The following SERAC1 variants were observed in gnomAD, a reference collection of about 807,000 sequenced individuals.
SERAC1 encodes protein SERAC1.
SERAC1 carries 36 observed loss-of-function variants against 85.7 expected under a neutral mutation model. That is an observed-to-expected ratio of 0.42 (90% CI 0.32 to 0.55). SERAC1 has a LOEUF of 0.55. Among genes scored for constraint, SERAC1 ranks in the 20% least tolerant of loss-of-function variants. The pLI is 0.11. For synonymous variants in SERAC1, 242 were observed against 265.3 expected, an observed-to-expected ratio of 0.91 and a Z score of 0.85; for missense variants, 629 against 796.2, an observed-to-expected ratio of 0.79 and a Z score of 2.53.
chr6:158,131,523 A>G (rs144056827), intron 8 of SERAC1, among the ~76,000 whole-genome samples: 1,596 of 150,262 alleles, frequency 0.011, 5 homozygotes, highest in Middle Eastern at 0.038. Flanking sequence ...ATATATATAA[A>G]CAACGCTCAG....
intron 3 of SERAC1, among the ~76,000 whole-genome samples, chr6:158,153,844 C>T (rs1785261399): frequency 6.6e-6 from 1 of 152,068 alleles, no homozygotes; most frequent in Non-Finnish European, 1.5e-5. Context: ...GAATCCTCTG[C>T]CCTCGGCCAA....
At chr6:158,156,843 TA>T (rs1446282281) in intron 2 of SERAC1, among the ~76,000 whole-genome samples, 1 of 136,442 alleles carries the variant, frequency 7.3e-6, no homozygotes, top group Non-Finnish European at 1.5e-5. Context: ...TATATAAATA[TA>T]TTTTATATAT....
rs1414162774 is a variant in SERAC1 at position 158,117,508 on chromosome 6, A to G, written c.1403+219T>C. 4 of 1,549,930 alleles carry G rather than the reference A, an allele frequency of 2.6e-6. No homozygotes were observed. The highest frequency in any genetic ancestry group is 8.7e-7 in the Non-Finnish European group (1 of 1,146,544). ...AGAACAGTTGTAAATAAACCATGTT[A>G]GGAGCCCACCATTGGTGATATACCT... On this transcript the variant is annotated intron_variant, in intron 13 of 16. Coordinates refer to ENST00000647468, the MANE Select transcript of SERAC1 (RefSeq NM_032861.4). The surrounding 1 kb of genome is among the most constrained non-coding windows in gnomAD (Gnocchi z 4.3).
At chr6:158,129,834 T>C (rs1353939933) in intron 9 of SERAC1, among the ~76,000 whole-genome samples, 2 of 152,070 alleles carry the variant, frequency 1.3e-5, no homozygotes, top group East Asian at 3.9e-4. Flanking sequence ...TAGCTGGGAT[T>C]ACAGGTGCGC....
At chr6:158,121,049 T>C (rs983457377) in intron 10 of SERAC1, among the ~76,000 whole-genome samples, 1 of 152,158 alleles carries the variant, frequency 6.6e-6, no homozygotes, top group Non-Finnish European at 1.5e-5. Context: ...TCTTGTAGAA[T>C]CTGGAGATCA....
intron 1 of SERAC1, among the ~76,000 whole-genome samples, chr6:158,160,662 AT>A (rs985217120): frequency 2.0e-5 from 3 of 152,118 alleles, no homozygotes; most frequent in South Asian, 2.1e-4. Context: ...ATAGATCAGG[AT>A]TTTTTTATTA....
At position 158,144,474 on chromosome 6, in the gene SERAC1, T is replaced by A. The variant is rs1785005584; in HGVS notation, c.488-54A>T. 8.7e-6 allele frequency: 13 copies of A among 1,498,412 alleles called. No homozygotes were observed. The South Asian group carries it at 1.7e-4, about 19-fold the overall frequency. The allele number at this position is 1,498,412 out of a possible 1,614,324, so 92.8% of individuals were successfully genotyped here. A position where few individuals can be genotyped will look rare whatever the true frequency, so the allele number is the denominator to read the frequency against. On this transcript the variant is annotated intron_variant, in intron 6 of 16. Coordinates refer to ENST00000647468, the MANE Select transcript of SERAC1 (RefSeq NM_032861.4). ...TACCAAAACTAGCTGACAGATGTCATAAAGATTAACTGAACAAACAACTTG... is the reference window on the plus strand; with the variant it reads ...TACCAAAACTAGCTGACAGATGTCAAAAAGATTAACTGAACAAACAACTTG...
Position 158,144,287 on chromosome 6 carries a change from T to C in SERAC1, c.609+12A>G. The C allele has an allele frequency of 6.3e-7, 1 of 1,595,578 alleles. No homozygotes were observed. The highest frequency in any genetic ancestry group is 8.6e-7 in the Non-Finnish European group (1 of 1,166,590). ...TCACTCTCTAAATTACTATTATTAT[T>C]GTTTTACTTACTTCTTTTAAAGATG... On this transcript the variant is annotated intron_variant, in intron 7 of 16. Transcript: ENST00000647468.
rs1264596440 is a variant in SERAC1, at chr6:158,120,315, CTTATAAG to C, written c.1166+103_1166+109del. ...TTATTTTAGTAAATAAGATATTTGA[CTTATAAG>C]TTATTTAACTTATCTGAATTATGCA... On this transcript the variant is annotated intron_variant, in intron 11 of 16. Transcript: ENST00000647468. The surrounding 1 kb of genome is among the most constrained non-coding windows in gnomAD (Gnocchi z 4.4). 6.2e-6 allele frequency: 7 copies of C among 1,122,026 alleles called. No individual in the cohort carries two copies. In the Admixed American group the frequency reaches 1.0e-4, roughly 17 times the overall value. The allele number at this position is 1,122,026 out of a possible 1,614,324, so 69.5% of individuals were successfully genotyped here. A position where few individuals can be genotyped will look rare whatever the true frequency, so the allele number is the denominator to read the frequency against.
At chr6:158,156,870 ATTTAT>A (rs1785354550) in intron 2 of SERAC1, among the ~76,000 whole-genome samples, 2 of 95,556 alleles carry the variant, frequency 2.1e-5, no homozygotes, top group African/African-American at 7.4e-5. Context: ...ATATTAATAT[ATTTAT>A]ATAGATATTA....
chr6:158,119,316 T>TTCCCA lies in SERAC1; in HGVS notation c.1167-147_1167-146insTGGGA. ...AAAGCAAGCTCTATAAGCACAGGTT[T>TTCCCA]GCTGGGAAAACCTAGAAGGAGCTTT... On this transcript the variant is annotated intron_variant, in intron 11 of 16. Transcript: ENST00000647468. This position sits in a 1 kb window ranked among gnomAD's most constrained non-coding sequence, Gnocchi z 4.5. The TTCCCA allele has an allele frequency of 1.0e-6, 1 of 979,696 alleles. No individual in the cohort carries two copies. Among genetic ancestry groups the TTCCCA allele is most frequent in the Non-Finnish European group, 1.4e-6 (1 of 700,086 alleles). 60.7% of individuals were successfully genotyped at this position (979,696 alleles called of 1,614,324 possible). A position where few individuals can be genotyped will look rare whatever the true frequency, so the allele number is the denominator to read the frequency against.
At chr6:158,131,613 T>C (rs1358146699) in intron 8 of SERAC1, among the ~76,000 whole-genome samples, 1 of 151,888 alleles carries the variant, frequency 6.6e-6, no homozygotes, top group Non-Finnish European at 1.5e-5. Flanking sequence ...GACGAGGTTC[T>C]AGGGAAACAA....
chr6:158,130,615 T>C (rs1290354161), intron 8 of SERAC1, 129 bp from the exon 9 acceptor site: 3 of 581,252 alleles, frequency 5.2e-6, no homozygotes, highest in Non-Finnish European at 9.0e-6. Flanking sequence ...TCAAAATATG[T>C]TGGAAATGTA....
In SERAC1 at chr6:158,119,119, T is replaced by C. The variant is rs1407341598; in HGVS notation, c.1218A>G (p.Ala406=). The C allele has an allele frequency of 3.1e-6, 5 of 1,613,670 alleles. No homozygotes were observed. Among genetic ancestry groups the C allele is most frequent in the Non-Finnish European group, 4.2e-6 (5 of 1,179,856 alleles). Residue 406 remains alanine (A), a synonymous_variant, in exon 12 of 17, where the codon GCA becomes GCG. Coordinates refer to ENST00000647468, the MANE Select transcript of SERAC1 (RefSeq NM_032861.4). The surrounding 1 kb of genome is among the most constrained non-coding windows in gnomAD (Gnocchi z 4.5). ...VLFIHGLMGA[A]FKTWRQQDSE... ...TGTCCTGCTGGCGCCATGTTTTGAA[T>C]GCTGCTCCCATAAGGCCATGAATAA...
rs371357530 is a variant in SERAC1, at chr6:158,116,293, C to T, written c.1404-11G>A. Reference sequence around the variant, plus strand: ...AATGCAATGGACTTTCTGAACAAAACAAAAACAGCAGGCATGACACAAGGC... The same window carrying T: ...AATGCAATGGACTTTCTGAACAAAATAAAAACAGCAGGCATGACACAAGGC... On this transcript the variant is annotated splice_polypyrimidine_tract_variant and intron_variant, in intron 13 of 16. Transcript: ENST00000647468. The T allele has an allele frequency of 7.2e-5, 116 of 1,608,318 alleles. No homozygotes were observed. Among genetic ancestry groups the T allele is most frequent in the Non-Finnish European group, 9.6e-5 (113 of 1,175,032 alleles).
chr6:158,158,458 G>A (rs1785409975), intron 1 of SERAC1, 94 bp from the exon 2 acceptor site: 1 of 854,592 alleles, frequency 1.2e-6, no homozygotes. Context: ...CACAGTGGAT[G>A]ACCCACAGAG....
rs768790092 is a variant in SERAC1, at chr6:158,144,378, G to C, written c.530C>G (p.Thr177Ser). The C allele has an allele frequency of 3.0e-5, 48 of 1,613,144 alleles. No homozygotes were observed. Among genetic ancestry groups the C allele is most frequent in the Non-Finnish European group, 3.8e-5 (45 of 1,179,470 alleles). ...TTCGCTTCGTGCCAAACCAATAAGA[G>C]TTTTCGGATCACAGGCTTGAGCAAT... Reference protein sequence around the residue: ...RIIAQACDPKTLIGLARSEES... With the variant: ...RIIAQACDPKSLIGLARSEES... The change falls in exon 7 of 17, where the codon ACT becomes AGT. Residue 177 changes from threonine to serine, a missense_variant. Physicochemically the swap from Thr to Ser is moderately conservative, Grantham distance 58. Coordinates refer to ENST00000647468, the MANE Select transcript of SERAC1 (RefSeq NM_032861.4).
intron 3 of SERAC1, 58 bp downstream of exon 3, chr6:158,155,257 T>C (rs1204356691): frequency 1.6e-6 from 2 of 1,216,664 alleles, no homozygotes; most frequent in African/African-American, 1.5e-5. Context: ...ATCACTGCCA[T>C]TGAGATTTCC....
chr6:158,111,402 G>A lies in SERAC1; in HGVS notation c.1929C>T (p.Phe643=). ...GGTCTTTGGCTAAAGCTTCACGAAT[G>A]AATTGTAAAGTACGCTGGTACAAAA... is the stretch of plus-strand genomic sequence containing the variant. The part of the protein sequence containing the change: ...DAFLYQRTLQ[F]IREALAKDLE... Residue 643 remains phenylalanine, a synonymous_variant, in exon 17 of 17, where the codon TTC becomes TTT. Coordinates refer to ENST00000647468, the MANE Select transcript of SERAC1 (RefSeq NM_032861.4). The A allele has an allele frequency of 1.2e-6, 2 of 1,605,724 alleles. No individual in the cohort carries two copies. The highest frequency in any genetic ancestry group is 1.7e-6 in the Non-Finnish European group (2 of 1,177,694).
Sources: allele counts gnomAD v4.1 joint callset (sites outside exome capture counted in the v4.1 genomes callset), GRCh38; gene constraint gnomAD v4.1.1; non-coding constraint Gnocchi (gnomAD v3.1); transcripts MANE v1.5; gene names NCBI Gene and HGNC (gene_info 2026-07-23, HGNC 2026-07-21).